MAST1: variants seen among roughly 807,000 people sequenced by gnomAD.
MAST1 encodes the protein microtubule-associated serine/threonine-protein kinase 1.
MAST1 carries 40 observed loss-of-function variants against 124.6 expected under a neutral mutation model. The observed-to-expected ratio is 0.32, with a 90% confidence interval of 0.25 to 0.42. The LOEUF is 0.42. Among genes scored for constraint, MAST1 ranks in the 10% least tolerant of loss-of-function variants. MAST1 has a pLI of 1.00. For synonymous variants in MAST1, 938 were observed against 939.4 expected (o/e 1.00, Z 0.03); for missense variants, 1,558 against 2,181.9 (o/e 0.71, Z 5.70).
chr19:12,873,530 G>GGTC lies in MAST1; in HGVS notation c.3451+19_3451+20insGTC. The GGTC allele has an allele frequency of 6.3e-7, 1 of 1,593,760 alleles. No homozygotes were observed. Among genetic ancestry groups the GGTC allele is most frequent in the Non-Finnish European group, 8.5e-7 (1 of 1,172,304 alleles). The stretch of plus-strand genomic sequence containing the variant: ...TACCTAGGTATTACCTCCTGCACCT[G>GGTC]CGCGGGGACCGAGCAGCGCGGGGTG... On this transcript the variant is annotated intron_variant, in intron 25 of 25. Coordinates refer to ENST00000251472, the MANE Select transcript of MAST1 (RefSeq NM_014975.3).
Position 12,847,778 on chromosome 19 carries a change from C to T in MAST1, c.565-70C>T. On this transcript the variant is annotated intron_variant, in intron 6 of 25. Coordinates refer to ENST00000251472, the MANE Select transcript of MAST1 (RefSeq NM_014975.3). The surrounding 1 kb of genome is among the most constrained non-coding windows in gnomAD (Gnocchi z 5.5). ...CGCGCGCCCCCTGGCGGCCTCGGTG[C>T]GCAGCGCAGGCTCCTGGCGGCCGCA... 1 of 1,580,250 alleles carries T rather than the reference C, an allele frequency of 6.3e-7. No individual in the cohort carries two copies. Among genetic ancestry groups the T allele is most frequent in the Non-Finnish European group, 8.6e-7 (1 of 1,159,382 alleles).
chr19:12,847,765 G>C lies in MAST1; in HGVS notation c.564+78G>C. On this transcript the variant is annotated intron_variant, in intron 6 of 25. Transcript: ENST00000251472. This position sits in a 1 kb window ranked among gnomAD's most constrained non-coding sequence, Gnocchi z 5.5. ...CTCGCCTTATCCCCGCGCGCCCCCT[G>C]GCGGCCTCGGTGCGCAGCGCAGGCT... 2 of 1,585,012 alleles carry C rather than the reference G, an allele frequency of 1.3e-6. No homozygotes were observed. Among genetic ancestry groups the C allele is most frequent in the Non-Finnish European group, 1.7e-6 (2 of 1,162,422 alleles).
chr19:12,840,569 C>G, intron 2 of MAST1, 35 bp downstream of exon 2: 3 of 1,507,872 alleles, frequency 2.0e-6, no homozygotes, highest in Non-Finnish European at 2.8e-6. Context: ...TGGGTGCAGA[C>G]TGGCCTACAG....
chr19:12,869,006 G>C, intron 21 of MAST1, 60 bp from the exon 22 acceptor site: 1 of 1,575,406 alleles, frequency 6.3e-7, no homozygotes, highest in Non-Finnish European at 8.7e-7. Context: ...GGGAGGAGCA[G>C]ATACAGGGAG....
chr19:12,838,792 C>G lies in MAST1; in HGVS notation c.83+137C>G. The stretch of plus-strand genomic sequence containing the variant: ...AGGTGCCCCAGCTGCGCCTTCCCGC[C>G]GGGGTTGGGGTTGAATGGGGGGTGG... On this transcript the variant is annotated intron_variant, in intron 1 of 25. Transcript: ENST00000251472. The surrounding 1 kb of genome is among the most constrained non-coding windows in gnomAD (Gnocchi z 4.3). The G allele has an allele frequency of 1.6e-5, 9 of 551,000 alleles. No individual in the cohort carries two copies. Among genetic ancestry groups the G allele is most frequent in the African/African-American group, 2.1e-5 (1 of 47,658 alleles). 34.1% of individuals were successfully genotyped at this position (551,000 alleles called of 1,614,324 possible).
chr19:12,864,831 G>A lies in MAST1; in HGVS notation c.1389G>A (p.Leu463=). 6.2e-7 allele frequency: 1 copy of A among 1,613,996 alleles called. No individual in the cohort carries two copies. The highest frequency in any genetic ancestry group is 8.5e-7 in the Non-Finnish European group (1 of 1,180,038). ...YVEGGDCATL[L]KNIGALPVEM... is the part of the protein sequence containing the mutation. Reference sequence around the variant, plus strand: ...CAGGCGGCGACTGTGCCACCCTGCTGAAGAATATTGGAGCGCTGCCCGTAG... The same window carrying A: ...CAGGCGGCGACTGTGCCACCCTGCTAAAGAATATTGGAGCGCTGCCCGTAG... Residue 463 remains leucine (L), a synonymous_variant, in exon 13 of 26, where the codon CTG becomes CTA. Transcript: ENST00000251472.
chr19:12,845,541 G>C (rs1969883098), intron 4 of MAST1, among the ~76,000 whole-genome samples: 1 of 147,734 alleles, frequency 6.8e-6, no homozygotes, highest in Non-Finnish European at 1.5e-5. Context: ...TGGAGGTCGA[G>C]CCACTGCACT....
intron 7 of MAST1, among the ~76,000 whole-genome samples, chr19:12,849,907 C>T (rs1017460140): frequency 2.6e-5 from 4 of 151,982 alleles, no homozygotes; most frequent in Non-Finnish European, 5.9e-5. Flanking sequence ...AAGCCATTCT[C>T]CTGCCTCAGC....
In MAST1 at chr19:12,843,403, A is replaced by C; in HGVS notation, c.249-126A>C. On this transcript the variant is annotated intron_variant, in intron 3 of 25. Transcript: ENST00000251472. The surrounding 1 kb of genome is among the most constrained non-coding windows in gnomAD (Gnocchi z 4.9). ...CCCTTGATTCTGAGGGCCTTGAGGA[A>C]TCTTAGAGTGCAGATATATTCCCCC... 6.4e-6 allele frequency: 4 copies of C among 629,218 alleles called. No individual in the cohort carries two copies. The highest frequency in any genetic ancestry group is 2.8e-5 in the Admixed American group (1 of 36,272). The allele number at this position is 629,218 out of a possible 1,614,324, so 39.0% of individuals were successfully genotyped here.
intron 24 of MAST1, 33 bp downstream of exon 24, chr19:12,871,205 G>A (rs376126421): frequency 1.2e-4 from 193 of 1,612,968 alleles, no homozygotes; most frequent in Non-Finnish European, 1.4e-4. Flanking sequence ...TGGTCTTTGA[G>A]CAGTGGGTGG....
intron 21 of MAST1, 75 bp downstream of exon 21, chr19:12,868,924 A>G: frequency 1.3e-6 from 2 of 1,549,680 alleles, no homozygotes; most frequent in Non-Finnish European, 1.8e-6. Context: ...AAAATGCTGC[A>G]TTTTCCCTGT....
At position 12,852,252 on chromosome 19, in the gene MAST1, C is replaced by T. The variant is rs375294873; in HGVS notation, c.1009+5C>T. 61 of 1,613,846 alleles carry T rather than the reference C, an allele frequency of 3.8e-5. No individual in the cohort carries two copies. The highest frequency in any genetic ancestry group is 4.7e-5 in the Non-Finnish European group (56 of 1,180,010). The stretch of plus-strand genomic sequence containing the variant: ...TCACCCGTGACCCCTTTCCAGGTGC[C>T]GGCTGGTGGGCGCAGGGGGACTGGG... On this transcript the variant is annotated splice_donor_5th_base_variant and intron_variant, in intron 9 of 25. Transcript: ENST00000251472.
At position 12,866,847 on chromosome 19, in the gene MAST1, C is replaced by T; in HGVS notation, c.2139+85C>T. 8.6e-7 allele frequency: 1 copy of T among 1,157,814 alleles called. No homozygotes were observed. The highest frequency in any genetic ancestry group is 1.3e-5 in the South Asian group (1 of 75,450). 71.7% of individuals were successfully genotyped at this position (1,157,814 alleles called of 1,614,324 possible). On this transcript the variant is annotated intron_variant, in intron 18 of 25. Transcript: ENST00000251472. The surrounding 1 kb of genome is among the most constrained non-coding windows in gnomAD (Gnocchi z 5.2). ...ACAGTGAGAAACAGGTTCCCTGGTG[C>T]CCAAGGTCTCAGGAGCGGGAAGTTA...
intron 1 of MAST1, among the ~76,000 whole-genome samples, chr19:12,839,763 C>T (rs1451375642): frequency 6.6e-6 from 1 of 152,094 alleles, no homozygotes; most frequent in African/African-American, 2.4e-5. Context: ...TGCATCCTGG[C>T]CAGGCATGGT....
intron 12 of MAST1, among the ~76,000 whole-genome samples, chr19:12,861,865 C>T (rs1568412358): frequency 1.3e-5 from 2 of 151,516 alleles, no homozygotes; most frequent in Admixed American, 1.3e-4. Context: ...ACCACGCCCA[C>T]CTAATTTCTG....
chr19:12,865,421 G>T lies in MAST1; in HGVS notation c.1744G>T (p.Val582Leu). Reference protein sequence around the residue: ...AMGIILYEFLVGCVPFFGDTP... With the variant: ...AMGIILYEFLLGCVPFFGDTP... ...GGGGATCATCCTCTACGAGTTCCTG[G>T]TGGGCTGTGTGCCCTTCTTCGGAGA... Residue 582 changes from valine (V) to leucine (L), a missense_variant, in exon 15 of 26, where the codon GTG becomes TTG. Coordinates refer to ENST00000251472, the MANE Select transcript of MAST1 (RefSeq NM_014975.3). The surrounding 1 kb of genome is among the most constrained non-coding windows in gnomAD (Gnocchi z 7.1). 1 of 1,610,726 alleles carries T rather than the reference G, an allele frequency of 6.2e-7. No homozygotes were observed. Among genetic ancestry groups the T allele is most frequent in the Admixed American group, 1.7e-5 (1 of 59,392 alleles).
chr19:12,863,338 G>T (rs1599587518), intron 12 of MAST1, among the ~76,000 whole-genome samples: 1 of 152,094 alleles, frequency 6.6e-6, no homozygotes, highest in South Asian at 2.1e-4. Context: ...GTGGGTCTGT[G>T]TGCACAATAG....
rs368408402 is a variant in MAST1 at position 12,867,479 on chromosome 19, T to C, written c.2145T>C (p.Tyr715=). The change falls in exon 19 of 26, where the codon TAT becomes TAC. Residue 715 remains tyrosine, a synonymous_variant. Transcript: ENST00000251472. ...SSCSPRFSKV[Y]SSMEQLSQHE... is the part of the protein sequence containing the mutation. ...CCTCCCACCACCACCTACAGGTGTATAGCAGCATGGAGCAGCTGTCGCAGC... is the reference window on the plus strand; with the variant it reads ...CCTCCCACCACCACCTACAGGTGTACAGCAGCATGGAGCAGCTGTCGCAGC... 8 of 1,613,086 alleles carry C rather than the reference T, an allele frequency of 5.0e-6. No homozygotes were observed. In the East Asian group the frequency reaches 6.7e-5, roughly 13 times the overall value.
Position 12,873,872 on chromosome 19 carries a change from C to A in MAST1, c.3715C>A (p.Leu1239Met). The change falls in exon 26 of 26, where the codon CTG becomes ATG. Residue 1239 changes from leucine to methionine, a missense_variant. Leu to Met is a conservative substitution (Grantham distance 15). Around this residue, in one of 10 missense-constraint regions of MAST1, gnomAD observed 291 missense variants for 475.8 expected, o/e 0.61. Transcript: ENST00000251472. ...SHTTQSFPAKLHSSPPVVRPR... is the reference protein window; with the variant it reads ...SHTTQSFPAKMHSSPPVVRPR... ...CACTACTCAGAGCTTCCCGGCCAAA[C>A]TGCACTCATCGCCTCCCGTCGTGCG... The A allele has an allele frequency of 6.3e-7, 1 of 1,583,092 alleles. No homozygotes were observed. Among genetic ancestry groups the A allele is most frequent in the Non-Finnish European group, 8.5e-7 (1 of 1,172,322 alleles).
Sources: allele counts gnomAD v4.1 joint callset (sites outside exome capture counted in the v4.1 genomes callset), GRCh38; gene constraint gnomAD v4.1.1; regional missense constraint gnomAD v4.1.1; non-coding constraint Gnocchi (gnomAD v3.1); transcripts MANE v1.5; gene names NCBI Gene and HGNC (gene_info 2026-07-23, HGNC 2026-07-21).